SUCLG2: variants seen among roughly 807,000 people sequenced by gnomAD.
SUCLG2 encodes succinate-CoA ligase GDP-forming subunit beta.
SUCLG2 carries 42 observed loss-of-function variants against 47.9 expected under a neutral mutation model. That is an observed-to-expected ratio of 0.88 (90% CI 0.69 to 1.14). SUCLG2 has a LOEUF of 1.14. Ranked by LOEUF, SUCLG2 falls within the 50% of genes most tolerant of loss-of-function variation. The pLI is 0.00. For synonymous variants in SUCLG2, 195 were observed against 197.3 expected (o/e 0.99, Z 0.10); for missense variants, 571 against 525.9 (o/e 1.09, Z -0.84).
intron 10 of SUCLG2, among the ~76,000 whole-genome samples, chr3:67,362,449 G>T (rs1219899886): frequency 6.6e-6 from 1 of 152,110 alleles, no homozygotes; most frequent in Non-Finnish European, 1.5e-5. Context: ...ATATTTTCAT[G>T]TATTTGTGTT....
chr3:67,532,250 C>T (rs1265234282), intron 2 of SUCLG2, among the ~76,000 whole-genome samples: 1 of 152,178 alleles, frequency 6.6e-6, no homozygotes, highest in Non-Finnish European at 1.5e-5. Context: ...GTTCTCCTGC[C>T]TCAGCCTTCT....
Position 67,553,334 on chromosome 3 carries a change from T to G in SUCLG2, c.227-24148A>C, listed in dbSNP as rs2250974. Among the ~76,000 whole-genome samples, 486 of 152,372 alleles carry G rather than the reference T, an allele frequency of 3.2e-3. 1 individual carries two copies. The highest frequency in any genetic ancestry group is 0.011 in the African/African-American group (464 of 41,586). ...GGTGGCTTTGCCACAAAGGGTCCAC[T>G]TGTGGTCTTCAGTTAAATATTTGCT... On this transcript the variant is annotated intron_variant, in intron 2 of 10. Transcript: ENST00000307227.
chr3:67,594,671 A>T (rs940026836), intron 2 of SUCLG2, among the ~76,000 whole-genome samples: 2 of 152,188 alleles, frequency 1.3e-5, no homozygotes, highest in Non-Finnish European at 2.9e-5. Flanking sequence ...TATTTTCTGC[A>T]TATGTTAGTG....
intron 9 of SUCLG2, among the ~76,000 whole-genome samples, chr3:67,428,260 C>G (rs1467477799): frequency 6.6e-6 from 1 of 152,206 alleles, no homozygotes; most frequent in Non-Finnish European, 1.5e-5. Context: ...GAGGAAGAAT[C>G]AGGCAGCAAC....
At chr3:67,499,415 T>A (rs1705437406) in intron 7 of SUCLG2, among the ~76,000 whole-genome samples, 1 of 152,148 alleles carries the variant, frequency 6.6e-6, no homozygotes, top group Non-Finnish European at 1.5e-5. Context: ...ATTCAAGTTA[T>A]AAGACACGAA....
chr3:67,470,886 T>A (rs1463843905), intron 9 of SUCLG2, among the ~76,000 whole-genome samples: 1 of 152,182 alleles, frequency 6.6e-6, no homozygotes, highest in African/African-American at 2.4e-5. Flanking sequence ...ATCCTTGCCC[T>A]ACAAACCAAA....
intron 9 of SUCLG2, among the ~76,000 whole-genome samples, chr3:67,453,602 T>A (rs750118811): frequency 2.0e-5 from 3 of 152,178 alleles, no homozygotes; most frequent in Non-Finnish European, 2.9e-5. Flanking sequence ...GGCACAAACA[T>A]TCAGAACACA....
At chr3:67,458,078 A>G (rs759399576) in intron 9 of SUCLG2, among the ~76,000 whole-genome samples, 11 of 152,064 alleles carry the variant, frequency 7.2e-5, no homozygotes, top group Non-Finnish European at 1.0e-4. Flanking sequence ...GAGATATCAC[A>G]TGGAGACAGA....
chr3:67,425,430 G>C (rs1055157905), intron 9 of SUCLG2, among the ~76,000 whole-genome samples: 1 of 152,142 alleles, frequency 6.6e-6, no homozygotes, highest in African/African-American at 2.4e-5. Context: ...TTCCACAAGA[G>C]ATTAGCATTT....
intron 9 of SUCLG2, chr3:67,409,087 T>C (rs772700399): frequency 2.5e-5 from 19 of 757,320 alleles, no homozygotes; most frequent in Non-Finnish European, 3.5e-5. Context: ...TGTGGACCAA[T>C]GGGTTTTAGT....
chr3:67,404,700 T>G (rs1039557842), intron 9 of SUCLG2, among the ~76,000 whole-genome samples: 3 of 152,178 alleles, frequency 2.0e-5, no homozygotes, highest in Admixed American at 2.0e-4. Context: ...AGTCATGCAC[T>G]TTAATGGAAA....
chr3:67,635,668 G>A (rs536002120), intron 1 of SUCLG2, among the ~76,000 whole-genome samples: 4 of 152,138 alleles, frequency 2.6e-5, no homozygotes, highest in South Asian at 2.1e-4. Flanking sequence ...CCAGTTTCCC[G>A]CTGCTTAGGG....
chr3:67,400,042 G>A (rs907194685), intron 10 of SUCLG2, among the ~76,000 whole-genome samples: 13 of 147,686 alleles, frequency 8.8e-5, no homozygotes, highest in Non-Finnish European at 1.7e-4. Context: ...ACAAACAAAC[G>A]GACAAAACTA....
chr3:67,428,256 G>A (rs532849635), intron 9 of SUCLG2, among the ~76,000 whole-genome samples: 37 of 152,224 alleles, frequency 2.4e-4, no homozygotes, highest in African/African-American at 8.7e-4. Flanking sequence ...TCCAGAGGAA[G>A]AATCAGGCAG....
intron 6 of SUCLG2, chr3:67,514,099 C>T: frequency 3.0e-6 from 1 of 329,436 alleles, no homozygotes; most frequent in East Asian, 8.9e-5. Context: ...GTACAACGAC[C>T]CTAACTGCTG....
At chr3:67,557,459 A>T (rs147321291) in intron 2 of SUCLG2, among the ~76,000 whole-genome samples, 322 of 152,298 alleles carry the variant, frequency 2.1e-3, no homozygotes, top group African/African-American at 7.3e-3. Flanking sequence ...AAGGAGACAG[A>T]CCCATAAACT....
chr3:67,529,169 A>G lies in SUCLG2; in HGVS notation c.244T>C (p.Leu82=). ...CCTCCAGCTAAGATCTGGGCTTTTAAAACAATTTCTTTTGCATCTGAAAAA... is the reference window on the plus strand; with the variant it reads ...CCTCCAGCTAAGATCTGGGCTTTTAGAACAATTTCTTTTGCATCTGAAAAA... ...AKRLNAKEIV[L]KAQILAGGRG... is the part of the protein sequence containing the mutation. The change falls in exon 3 of 11, where the codon TTA becomes CTA. Residue 82 remains leucine (L), a synonymous_variant. Coordinates refer to ENST00000307227, the MANE Select transcript of SUCLG2 (RefSeq NM_003848.4). 6.2e-7 allele frequency: 1 copy of G among 1,610,572 alleles called. No homozygotes were observed. The highest frequency in any genetic ancestry group is 8.5e-7 in the Non-Finnish European group (1 of 1,179,164).
chr3:67,400,522 G>A (rs1702658310), intron 10 of SUCLG2, among the ~76,000 whole-genome samples: 1 of 152,096 alleles, frequency 6.6e-6, no homozygotes, highest in Admixed American at 6.6e-5. Flanking sequence ...TCAAAATCTG[G>A]AGAATCATAA....
At chr3:67,419,869 A>C (rs541173917) in intron 9 of SUCLG2, among the ~76,000 whole-genome samples, 1 of 152,232 alleles carries the variant, frequency 6.6e-6, no homozygotes, top group African/African-American at 2.4e-5. Context: ...GCTGAAAATC[A>C]AAAGCTGCTG....
Sources: allele counts gnomAD v4.1 joint callset (sites outside exome capture counted in the v4.1 genomes callset), GRCh38; gene constraint gnomAD v4.1.1; transcripts MANE v1.5; gene names NCBI Gene and HGNC (gene_info 2026-07-23, HGNC 2026-07-21).